The following EPN2 variants were observed in gnomAD, a reference collection of about 807,000 sequenced individuals.
The protein encoded by EPN2 is epsin 2, also known as epsin-2.
EPN2 carries 34 observed loss-of-function variants against 61.7 expected under a neutral mutation model. That is an observed-to-expected ratio of 0.55 (90% CI 0.42 to 0.73). The LOEUF is 0.73. EPN2 is among the 30% of genes least tolerant of loss of function. The pLI is 0.00. For missense variants in EPN2, 714 were observed against 839.2 expected (o/e 0.85, Z 1.84); for synonymous variants, 349 against 353.6 (o/e 0.99, Z 0.15).
intron 10 of EPN2, 35 bp from the exon 11 acceptor site, chr17:19,333,921 C>G (rs771910898): frequency 1.3e-6 from 2 of 1,499,144 alleles, no homozygotes; most frequent in Non-Finnish European, 1.8e-6. Context: ...CACACCCTGA[C>G]GGCTCAGCCT....
Position 19,316,412 on chromosome 17 carries a change from G to C in EPN2, c.1147+3133G>C, listed in dbSNP as rs1906385537. ...TTACCAGTGACTTGGGGAGGAGATA[G>C]GCCACCAAAGCCCATAGACATTGTT... is the stretch of plus-strand genomic sequence containing the variant. On this transcript the variant is annotated intron_variant, in intron 7 of 10. Transcript: ENST00000314728. Among the ~76,000 whole-genome samples, 3 of 152,216 alleles carry C rather than the reference G, an allele frequency of 2.0e-5. 1 individual carries two copies. In the South Asian group the frequency reaches 6.2e-4, roughly 32 times the overall value.
At chr17:19,308,629 C>A (rs1211624269) in intron 4 of EPN2, 9 of 985,410 alleles carry the variant, frequency 9.1e-6, no homozygotes, top group Non-Finnish European at 1.1e-5. Context: ...GCTGAGGGAA[C>A]AGCCTGCACG....
intron 1 of EPN2, among the ~76,000 whole-genome samples, chr17:19,263,899 G>T (rs80235624): frequency 6.6e-6 from 1 of 150,720 alleles, no homozygotes; most frequent in East Asian, 2.0e-4. Flanking sequence ...AAGGAAAGAG[G>T]GGGGCTGGAG....
Position 19,283,691 on chromosome 17 carries a change from G to T in EPN2, c.572G>T (p.Gly191Val). ...HSEQEYGKAG[G>V]SPASYHGSPE... ...GAGCAGGAGTATGGCAAGGCCGGGGGCTCCCCGGCCTCCTACCATGGCTGT... is the reference window on the plus strand; with the variant it reads ...GAGCAGGAGTATGGCAAGGCCGGGGTCTCCCCGGCCTCCTACCATGGCTGT... Residue 191 changes from glycine to valine, a missense_variant, in exon 3 of 11, where the codon GGC (glycine) becomes GTC (valine). Around this residue, in one of 2 missense-constraint regions of EPN2, gnomAD observed 304 missense variants for 417.4 expected, o/e 0.73. Transcript: ENST00000314728. The surrounding 1 kb of genome is among the most constrained non-coding windows in gnomAD (Gnocchi z 7.0). 6.3e-7 allele frequency: 1 copy of T among 1,597,924 alleles called. No individual in the cohort carries two copies.
At chr17:19,280,797 T>C (rs1437496920) in intron 1 of EPN2, among the ~76,000 whole-genome samples, 2 of 152,162 alleles carry the variant, frequency 1.3e-5, no homozygotes, top group African/African-American at 2.4e-5. Flanking sequence ...GATATTTACC[T>C]GGAGATAGCT....
chr17:19,285,613 C>T lies in EPN2; in HGVS notation c.596-7C>T, dbSNP rs774390982. On this transcript the variant is annotated splice_region_variant and splice_polypyrimidine_tract_variant and intron_variant, in intron 3 of 10. Coordinates refer to ENST00000314728, the MANE Select transcript of EPN2 (RefSeq NM_014964.5). The surrounding 1 kb of genome is among the most constrained non-coding windows in gnomAD (Gnocchi z 4.5). ...TCTGTGTGTGTGTGTGTGTCCCTGC[C>T]CCACAGCGCCTGAGGCCTCGCTGTG... 4.6e-5 allele frequency: 70 copies of T among 1,527,280 alleles called. No individual in the cohort carries two copies. The highest frequency in any genetic ancestry group is 2.3e-4 in the Middle Eastern group (1 of 4,272). The allele number at this position is 1,527,280 out of a possible 1,614,324, so 94.6% of individuals were successfully genotyped here. A position where few individuals can be genotyped will look rare whatever the true frequency, so the allele number is the denominator to read the frequency against.
intron 1 of EPN2, among the ~76,000 whole-genome samples, chr17:19,273,651 C>G (rs1311120083): frequency 6.6e-6 from 1 of 152,258 alleles, no homozygotes; most frequent in African/African-American, 2.4e-5. Context: ...GTGTGTAGCA[C>G]CCTGCCCAGC....
At chr17:19,327,862 T>C (rs551323802) in intron 7 of EPN2, among the ~76,000 whole-genome samples, 2 of 152,286 alleles carry the variant, frequency 1.3e-5, no homozygotes, top group South Asian at 4.1e-4. Flanking sequence ...GGAGGCACTT[T>C]CTGGTCCCTG....
intron 1 of EPN2, among the ~76,000 whole-genome samples, chr17:19,254,676 A>T (rs4924960): frequency 0.033 from 4,971 of 152,240 alleles, 346 homozygotes; most frequent in South Asian, 0.2. Flanking sequence ...CTGATGGGCA[A>T]ACCCCACCCT....
chr17:19,334,130 C>T lies in EPN2; in HGVS notation c.1802C>T (p.Ala601Val). 1 of 1,606,104 alleles carries T rather than the reference C, an allele frequency of 6.2e-7. No homozygotes were observed. The highest frequency in any genetic ancestry group is 8.5e-7 in the Non-Finnish European group (1 of 1,176,126). ...ASMTSAAPQPALGATGSSLTP... is the reference protein window; with the variant it reads ...ASMTSAAPQPVLGATGSSLTP... ...ATGACCTCCGCGGCCCCACAGCCAGCTCTGGGGGCCACTGGTTCCTCTCTG... is the reference window on the plus strand; with the variant it reads ...ATGACCTCCGCGGCCCCACAGCCAGTTCTGGGGGCCACTGGTTCCTCTCTG... Residue 601 changes from alanine to valine, a missense_variant, in exon 11 of 11, where the codon GCT becomes GTT. By Grantham distance (64) the Ala-to-Val change is moderately conservative. Transcript: ENST00000314728. The surrounding 1 kb of genome is among the most constrained non-coding windows in gnomAD (Gnocchi z 4.9).
At chr17:19,331,255 T>A (rs969046652) in intron 9 of EPN2, among the ~76,000 whole-genome samples, 1 of 152,250 alleles carries the variant, frequency 6.6e-6, no homozygotes, top group African/African-American at 2.4e-5. Flanking sequence ...TGAAACTCTT[T>A]GTGCTTATAA....
At chr17:19,245,471 G>A (rs908066524) in intron 1 of EPN2, among the ~76,000 whole-genome samples, 2 of 138,738 alleles carry the variant, frequency 1.4e-5, no homozygotes, top group African/African-American at 6.3e-5. Flanking sequence ...GGAGTGCAGT[G>A]GCGGGATCTC....
At chr17:19,279,426 G>C (rs1432961428) in intron 1 of EPN2, among the ~76,000 whole-genome samples, 6 of 151,982 alleles carry the variant, frequency 3.9e-5, no homozygotes, top group Admixed American at 2.6e-4. Context: ...TCTCACTTAG[G>C]AAAGTGTTCC....
intron 4 of EPN2, among the ~76,000 whole-genome samples, chr17:19,304,241 G>A (rs1905704700): frequency 1.3e-5 from 2 of 152,230 alleles, no homozygotes; most frequent in Non-Finnish European, 2.9e-5. Flanking sequence ...CCTGTGTTGA[G>A]AAGTGGCAGG....
At chr17:19,278,634 TG>T (rs1284698047) in intron 1 of EPN2, among the ~76,000 whole-genome samples, 1 of 152,124 alleles carries the variant, frequency 6.6e-6, no homozygotes, top group East Asian at 1.9e-4. Flanking sequence ...AACCAAACCA[TG>T]TCATGAAGAT....
At chr17:19,309,764 G>C (rs1729970231) in intron 4 of EPN2, 121 bp from the exon 5 acceptor site, 2 of 712,156 alleles carry the variant, frequency 2.8e-6, no homozygotes, top group Admixed American at 4.0e-5. Flanking sequence ...TGCATTGTTG[G>C]GCTACTGCTG....
chr17:19,307,403 T>A (rs1905897067), intron 4 of EPN2, among the ~76,000 whole-genome samples: 1 of 152,134 alleles, frequency 6.6e-6, no homozygotes, highest in Admixed American at 6.5e-5. Context: ...CTCTGCCTCT[T>A]GGGTTCATGC....
chr17:19,252,369 C>T (rs532733370), intron 1 of EPN2, among the ~76,000 whole-genome samples: 1 of 152,192 alleles, frequency 6.6e-6, no homozygotes, highest in East Asian at 1.9e-4. Flanking sequence ...TGATAAAGAT[C>T]TTTGGAAACT....
intron 1 of EPN2, among the ~76,000 whole-genome samples, chr17:19,256,159 G>A (rs571792965): frequency 4.6e-5 from 7 of 151,930 alleles, no homozygotes; most frequent in Non-Finnish European, 8.8e-5. Flanking sequence ...GGATGGTCGC[G>A]ATCTCCTGAC....
Sources: gnomAD v4.1 joint callset for allele counts (sites outside exome capture counted in the v4.1 genomes callset) on GRCh38, gnomAD v4.1.1 for gene constraint, gnomAD v4.1.1 regional missense constraint, Gnocchi (gnomAD v3.1) non-coding constraint, MANE v1.5 for transcripts, NCBI Gene and HGNC (gene_info 2026-07-23, HGNC 2026-07-21) for gene names.